USP34: variants seen among roughly 807,000 people sequenced by gnomAD.
The protein encoded by USP34 is ubiquitin carboxyl-terminal hydrolase 34.
In USP34, 70 loss-of-function variants were observed where a neutral mutation model predicts 460.3. The ratio of observed to expected loss-of-function variants is 0.15; its 90% CI spans 0.13 to 0.19. The LOEUF (loss-of-function observed/expected upper bound fraction) is 0.19, where lower values mean the gene tolerates loss of function less well. Among genes scored for constraint, USP34 ranks in the 10% least tolerant of loss-of-function variants. The pLI is 1.00. For missense variants in USP34, 3,985 were observed against 4,236.2 expected (o/e 0.94, Z 1.65); for synonymous variants, 1,647 against 1,405.3 (o/e 1.17, Z -3.85).
chr2:61,382,276 G>A (rs887436357), intron 6 of USP34, among the ~76,000 whole-genome samples: 1 of 152,044 alleles, frequency 6.6e-6, no homozygotes, highest in East Asian at 1.9e-4. Flanking sequence ...ACTCCTTACA[G>A]TGGCCTACAA....
At chr2:61,228,227 T>C (rs1373790926) in intron 61 of USP34, among the ~76,000 whole-genome samples, 4 of 152,242 alleles carry the variant, frequency 2.6e-5, no homozygotes, top group Non-Finnish European at 5.9e-5. Context: ...CCTAATGCAT[T>C]TGTTATGAAC....
At chr2:61,395,558 G>A (rs571325249) in intron 3 of USP34, among the ~76,000 whole-genome samples, 56 of 151,770 alleles carry the variant, frequency 3.7e-4, no homozygotes, top group African/African-American at 1.3e-3. Flanking sequence ...CAGCACTTTG[G>A]GAGGCCGAGG....
chr2:61,272,234 AC>A (rs1303932263), intron 41 of USP34, among the ~76,000 whole-genome samples: 1 of 151,876 alleles, frequency 6.6e-6, no homozygotes. Context: ...ACATGGTGAA[AC>A]CCTGTCTCTA....
intron 69 of USP34, among the ~76,000 whole-genome samples, chr2:61,211,476 G>C (rs1347750538): frequency 2.0e-5 from 3 of 152,138 alleles, no homozygotes; most frequent in African/African-American, 7.2e-5. Context: ...GAGGCCTCTA[G>C]AACTGAACTA....
chr2:61,361,214 C>G lies in USP34; in HGVS notation c.1251+9107G>C, dbSNP rs143654186. ...CTGCTTGAGGCCAGGAGTTTGAGAT[C>G]TGCCTGGGCAATACAGCAAGACCCA... On this transcript the variant is annotated intron_variant, in intron 10 of 79. Transcript: ENST00000398571. Among the ~76,000 whole-genome samples the G allele has an allele frequency of 2.8e-4, 42 of 152,282 alleles. No individual in the cohort carries two copies. In the East Asian group the frequency reaches 6.0e-3, roughly 22 times the overall value.
Position 61,420,836 on chromosome 2 carries a change from G to C in USP34, c.44-3C>G. The C allele has an allele frequency of 6.3e-7, 1 of 1,599,282 alleles. No individual in the cohort carries two copies. The highest frequency in any genetic ancestry group is 8.5e-7 in the Non-Finnish European group (1 of 1,173,676). On this transcript the variant is annotated splice_region_variant and splice_polypyrimidine_tract_variant and intron_variant, in intron 1 of 79. Coordinates refer to ENST00000398571, the MANE Select transcript of USP34 (RefSeq NM_014709.4). ...ATCACCACCTTCTACATCTGATACTGAAATAAAAAAGAAATTTTAAAATTA... is the reference window on the plus strand; with the variant it reads ...ATCACCACCTTCTACATCTGATACTCAAATAAAAAAGAAATTTTAAAATTA...
intron 20 of USP34, among the ~76,000 whole-genome samples, chr2:61,328,782 T>C (rs1168212474): frequency 6.6e-6 from 1 of 152,234 alleles, no homozygotes; most frequent in Admixed American, 6.5e-5. Flanking sequence ...CCTATGTTCC[T>C]TTTTGATACT....
chr2:61,466,297 T>G (rs1015502096), intron 1 of USP34, among the ~76,000 whole-genome samples: 1 of 151,850 alleles, frequency 6.6e-6, no homozygotes, highest in Non-Finnish European at 1.5e-5. Flanking sequence ...TGGTGGCACA[T>G]GCCTGTAGTC....
chr2:61,225,202 A>G (rs1196192746), intron 62 of USP34, among the ~76,000 whole-genome samples: 1 of 152,220 alleles, frequency 6.6e-6, no homozygotes, highest in Non-Finnish European at 1.5e-5. Context: ...TAAGTTATGC[A>G]AAACCCTACA....
At chr2:61,270,202 T>C (rs1689171383) in intron 41 of USP34, among the ~76,000 whole-genome samples, 3 of 152,336 alleles carry the variant, frequency 2.0e-5, no homozygotes, top group Admixed American at 1.3e-4. Context: ...TCATGAGGAC[T>C]CTGCCCTTAT....
intron 2 of USP34, among the ~76,000 whole-genome samples, chr2:61,409,034 A>G (rs1348972842): frequency 5.3e-5 from 8 of 151,874 alleles, no homozygotes; most frequent in Non-Finnish European, 1.0e-4. Flanking sequence ...AGCCTGACCA[A>G]TACAGCAAAA....
intron 1 of USP34, among the ~76,000 whole-genome samples, chr2:61,452,994 A>G (rs749013060): frequency 2.1e-4 from 32 of 152,162 alleles, no homozygotes; most frequent in Non-Finnish European, 4.4e-4. Flanking sequence ...ACACCCTATC[A>G]TACAGATTCT....
At chr2:61,258,176 A>C (rs1688772172) in intron 44 of USP34, among the ~76,000 whole-genome samples, 2 of 152,070 alleles carry the variant, frequency 1.3e-5, no homozygotes, top group African/African-American at 2.4e-5. Flanking sequence ...GAACATAGTG[A>C]GACTCTGTCT....
At chr2:61,416,821 TGG>T in intron 2 of USP34, 2 of 215,906 alleles carry the variant, frequency 9.3e-6, no homozygotes, top group Non-Finnish European at 8.3e-6. Context: ...TTTTTTTTTT[TGG>T]GGGGGGGGAC....
chr2:61,404,742 C>T (rs1346737227), intron 3 of USP34, among the ~76,000 whole-genome samples: 1 of 152,158 alleles, frequency 6.6e-6, no homozygotes, highest in Non-Finnish European at 1.5e-5. Context: ...TAAGGAACTG[C>T]CTGTGAGAAT....
In USP34 at chr2:61,301,086, G is replaced by A; in HGVS notation, c.3993C>T (p.Leu1331=). The A allele has an allele frequency of 1.9e-6, 3 of 1,614,054 alleles. No homozygotes were observed. The highest frequency in any genetic ancestry group is 2.5e-6 in the Non-Finnish European group (3 of 1,179,978). ...GAATGTTGTCCTTCTGAGGGGGTGG[G>A]AGGCAAGATGCTGGCAGCTGAACAC... ...GEGVQLPASC[L]PPPQKDNIPM... The change falls in exon 29 of 80, where the codon CTC becomes CTT. Residue 1331 remains leucine, a synonymous_variant. Coordinates refer to ENST00000398571, the MANE Select transcript of USP34 (RefSeq NM_014709.4).
chr2:61,371,009 G>A (rs1474738638), intron 8 of USP34, among the ~76,000 whole-genome samples: 1 of 152,122 alleles, frequency 6.6e-6, no homozygotes, highest in Admixed American at 6.5e-5. Flanking sequence ...TTATCCCCAA[G>A]CCAAACTGTA....
intron 76 of USP34, chr2:61,190,957 A>C: frequency 4.5e-6 from 1 of 219,816 alleles, no homozygotes; most frequent in Non-Finnish European, 9.0e-6. Flanking sequence ...TGAGAGAGTT[A>C]ACAAGGACTG....
At position 61,223,086 on chromosome 2, in the gene USP34, G is replaced by T. The variant is rs1242049097; in HGVS notation, c.7723C>A (p.Arg2575=). ...TGTTCTGCAAGTCGATTATTGTATC[G>T]ACACAGGCTGAAAATCAGATTACAA... ...QTCNLIFSLC[R]YNNRLAEHIV... Residue 2575 remains arginine (R), a synonymous_variant, in exon 64 of 80, where the codon CGA becomes AGA. Transcript: ENST00000398571. The T allele has an allele frequency of 1.9e-6, 3 of 1,613,490 alleles. No individual in the cohort carries two copies. The highest frequency in any genetic ancestry group is 1.1e-5 in the South Asian group (1 of 91,018).
Sources: allele counts gnomAD v4.1 joint callset (sites outside exome capture counted in the v4.1 genomes callset), GRCh38; gene constraint gnomAD v4.1.1; transcripts MANE v1.5; gene names NCBI Gene and HGNC (gene_info 2026-07-23, HGNC 2026-07-21).